PCDHGB7: variants seen among roughly 807,000 people sequenced by gnomAD.
PCDHGB7 encodes the protein protocadherin gamma subfamily B, 7.
PCDHGB7 carries 37 observed loss-of-function variants against 61.4 expected under a neutral mutation model. The observed-to-expected ratio is 0.60, with a 90% CI of 0.46 to 0.79. The LOEUF (loss-of-function observed/expected upper bound fraction) is 0.79, where lower values mean the gene tolerates loss of function less well. PCDHGB7 is among the 30% of genes least tolerant of loss of function. The probability of loss-of-function intolerance (pLI) is 0.00; values close to 1 mark genes in which losing one functional copy is unlikely to be tolerated. For synonymous variants in PCDHGB7, 464 were observed against 503.5 expected (o/e 0.92, Z 1.05); for missense variants, 1,166 against 1,202.5 (o/e 0.97, Z 0.45).
rs755706235 is a variant in PCDHGB7 at position 141,476,450 on chromosome 5, G to A, written c.2416-18357G>A. ...TTGCACTGTAACTCTGGAGTTGGTA[G>A]TGGAGAACCCGCTGGAGCTGTTCAG... On this transcript the variant is annotated intron_variant, in intron 1 of 3. Transcript: ENST00000398594. The surrounding 1 kb of genome is among the most constrained non-coding windows in gnomAD (Gnocchi z 7.6). The A allele has an allele frequency of 6.2e-7, 1 of 1,614,180 alleles. No individual in the cohort carries two copies. The highest frequency in any genetic ancestry group is 8.5e-7 in the Non-Finnish European group (1 of 1,180,040).
At position 141,477,177 on chromosome 5, in the gene PCDHGB7, T is replaced by C; in HGVS notation, c.2416-17630T>C. The C allele has an allele frequency of 6.2e-7, 1 of 1,614,160 alleles. No individual in the cohort carries two copies. On this transcript the variant is annotated intron_variant, in intron 1 of 3. Coordinates refer to ENST00000398594, the MANE Select transcript of PCDHGB7 (RefSeq NM_018927.4). This position sits in a 1 kb window ranked among gnomAD's most constrained non-coding sequence, Gnocchi z 4.9. Reference sequence around the variant, plus strand: ...AATGACAACGCCCCGGAGATCACAGTCACCTCCGTGTACAGCCCAGTACCC... The same window carrying C: ...AATGACAACGCCCCGGAGATCACAGCCACCTCCGTGTACAGCCCAGTACCC...
chr5:141,426,565 T>G, intron 1 of PCDHGB7: 1 of 351,600 alleles, frequency 2.8e-6, no homozygotes, highest in Non-Finnish European at 5.7e-6. Flanking sequence ...AGATCGAGAG[T>G]CACTGTCTTC....
chr5:141,431,553 A>T lies in PCDHGB7; in HGVS notation c.2415+11279A>T, dbSNP rs762863300. On this transcript the variant is annotated intron_variant, in intron 1 of 3. Coordinates refer to ENST00000398594, the MANE Select transcript of PCDHGB7 (RefSeq NM_018927.4). The surrounding 1 kb of genome is among the most constrained non-coding windows in gnomAD (Gnocchi z 4.8). Reference sequence around the variant, plus strand: ...TTGGGCACGCAGCTGCTTGTAGTCAACGCTACCGACCCTGACGAAGGAGTC... The same window carrying T: ...TTGGGCACGCAGCTGCTTGTAGTCATCGCTACCGACCCTGACGAAGGAGTC... The T allele has an allele frequency of 1.1e-5, 18 of 1,613,994 alleles. 1 individual carries two copies. Among genetic ancestry groups the T allele is most frequent in the Non-Finnish European group, 3.4e-6 (4 of 1,180,028 alleles).
intron 1 of PCDHGB7, among the ~76,000 whole-genome samples, chr5:141,469,716 A>G (rs1189597018): frequency 3.9e-5 from 6 of 152,260 alleles, no homozygotes; most frequent in African/African-American, 1.4e-4. Context: ...CACTATTAGG[A>G]ATTTATCATA....
rs116140192 is a variant in PCDHGB7, at chr5:141,497,400, A to C, written c.2474+2535A>C. Among the ~76,000 whole-genome samples, 87 of 152,110 alleles carry C rather than the reference A, an allele frequency of 5.7e-4. 1 individual carries two copies. Among genetic ancestry groups the C allele is most frequent in the African/African-American group, 2.0e-3 (82 of 41,484 alleles). ...GGGGTGAGCACCTTACCCCTGCCTCAACTCCCATTCCATCAAATGAGAGGC... is the reference window on the plus strand; with the variant it reads ...GGGGTGAGCACCTTACCCCTGCCTCCACTCCCATTCCATCAAATGAGAGGC... On this transcript the variant is annotated intron_variant, in intron 2 of 3. Coordinates refer to ENST00000398594, the MANE Select transcript of PCDHGB7 (RefSeq NM_018927.4).
At position 141,490,908 on chromosome 5, in the gene PCDHGB7, C is replaced by A; in HGVS notation, c.2416-3899C>A. On this transcript the variant is annotated intron_variant, in intron 1 of 3. Coordinates refer to ENST00000398594, the MANE Select transcript of PCDHGB7 (RefSeq NM_018927.4). The surrounding 1 kb of genome is among the most constrained non-coding windows in gnomAD (Gnocchi z 5.4). The stretch of plus-strand genomic sequence containing the variant: ...CATCTCTGCATGTGTTTGTCCTAGA[C>A]GAGAATGATAATGCCCCAGCTGTGC... The A allele has an allele frequency of 6.2e-7, 1 of 1,613,710 alleles. No homozygotes were observed. Among genetic ancestry groups the A allele is most frequent in the Non-Finnish European group, 8.5e-7 (1 of 1,179,754 alleles).
chr5:141,468,801 A>G (rs949203275), intron 1 of PCDHGB7, among the ~76,000 whole-genome samples: 15 of 151,736 alleles, frequency 9.9e-5, no homozygotes, highest in South Asian at 2.1e-4. Context: ...GGGAGGCGGA[A>G]CTTGCAGTGA....
chr5:141,495,818 GTTC>G (rs2099764072), intron 2 of PCDHGB7, among the ~76,000 whole-genome samples: 1 of 151,904 alleles, frequency 6.6e-6, no homozygotes, highest in South Asian at 2.1e-4. Context: ...AGCGCCTTGT[GTTC>G]TTCTATCCCC....
At position 141,417,692 on chromosome 5, in the gene PCDHGB7, C is replaced by A; in HGVS notation, c.-168C>A. On this transcript the variant is annotated 5_prime_UTR_variant, in exon 1 of 4. Transcript: ENST00000398594. The stretch of plus-strand genomic sequence containing the variant: ...CGCAGCCAACAACAGAAAAGAAAAC[C>A]AGCTCCCACACAGAGGCTCCCGGCT... The A allele has an allele frequency of 9.2e-7, 1 of 1,089,116 alleles. No homozygotes were observed. Among genetic ancestry groups the A allele is most frequent in the Non-Finnish European group, 1.3e-6 (1 of 789,354 alleles). 67.5% of individuals were successfully genotyped at this position (1,089,116 alleles called of 1,614,324 possible).
intron 1 of PCDHGB7, among the ~76,000 whole-genome samples, chr5:141,433,534 C>T (rs2097618995): frequency 6.6e-6 from 1 of 152,088 alleles, no homozygotes; most frequent in Admixed American, 6.5e-5. Context: ...GTGCCCCGCC[C>T]TTATCAGATA....
intron 1 of PCDHGB7, chr5:141,428,105 G>A: frequency 1.9e-6 from 3 of 1,608,184 alleles, no homozygotes; most frequent in Admixed American, 1.7e-5. Flanking sequence ...ACCACGTGCT[G>A]CAGGCCATCG....
At position 141,418,189 on chromosome 5, in the gene PCDHGB7, G is replaced by A; in HGVS notation, c.330G>A (p.Val110=). 6.2e-7 allele frequency: 1 copy of A among 1,614,046 alleles called. No homozygotes were observed. The highest frequency in any genetic ancestry group is 1.7e-5 in the Admixed American group (1 of 60,026). Residue 110 remains valine, a synonymous_variant, in exon 1 of 4, where the codon GTG becomes GTA. Transcript: ENST00000398594. The part of the protein sequence containing the change: ...RRCELQLEAV[V]ENPLNIFHVI... ...GTGAGTTGCAATTGGAAGCTGTGGT[G>A]GAAAATCCTTTAAATATTTTTCATG...
rs1266310917 is a variant in PCDHGB7 at position 141,486,868 on chromosome 5, G to A, written c.2416-7939G>A. 2 of 1,614,104 alleles carry A rather than the reference G, an allele frequency of 1.2e-6. No homozygotes were observed. Among genetic ancestry groups the A allele is most frequent in the Non-Finnish European group, 1.7e-6 (2 of 1,180,056 alleles). ...ACCTCAATGACAATGCTCCAGCTGT[G>A]CTCCGTCCTCGGGCCCGGCCTGGTT... On this transcript the variant is annotated intron_variant, in intron 1 of 3. Transcript: ENST00000398594. The surrounding 1 kb of genome is among the most constrained non-coding windows in gnomAD (Gnocchi z 5.0).
At chr5:141,454,997 A>G (rs2098809547) in intron 1 of PCDHGB7, among the ~76,000 whole-genome samples, 2 of 151,192 alleles carry the variant, frequency 1.3e-5, no homozygotes, top group Admixed American at 6.6e-5. Flanking sequence ...TATTTTTAGT[A>G]GAGACGGGGT....
chr5:141,485,687 C>T lies in PCDHGB7; in HGVS notation c.2416-9120C>T. 1 of 1,614,066 alleles carries T rather than the reference C, an allele frequency of 6.2e-7. No individual in the cohort carries two copies. Among genetic ancestry groups the T allele is most frequent in the Non-Finnish European group, 8.5e-7 (1 of 1,179,966 alleles). ...GAGCAATTCGATTAGCAGCTATAGG[C>T]TGAGCTCCAATGAACACTTTGCACT... On this transcript the variant is annotated intron_variant, in intron 1 of 3. Transcript: ENST00000398594. The surrounding 1 kb of genome is among the most constrained non-coding windows in gnomAD (Gnocchi z 5.7).
chr5:141,501,290 T>TACACAC lies in PCDHGB7; in HGVS notation c.2475-4064_2475-4059dup, dbSNP rs55762287. Among the ~76,000 whole-genome samples the TACACAC allele has an allele frequency of 5.7e-3, 774 of 136,224 alleles. 5 individuals are homozygous for TACACAC. The highest frequency in any genetic ancestry group is 9.9e-3 in the African/African-American group (361 of 36,504). The allele number at this position is 136,224 out of a possible 152,430, so 89.4% of individuals were successfully genotyped here. A position where few individuals can be genotyped will look rare whatever the true frequency, so the allele number is the denominator to read the frequency against. ...GTCCAGTCTATGGGATATTCCCTTA[T>TACACAC]ACACACACACACACACACACACACA... On this transcript the variant is annotated intron_variant, in intron 2 of 3. Transcript: ENST00000398594.
chr5:141,460,669 TTATATATC>T (rs1176483278), intron 1 of PCDHGB7, among the ~76,000 whole-genome samples: 1 of 152,032 alleles, frequency 6.6e-6, no homozygotes, highest in African/African-American at 2.4e-5. Flanking sequence ...GTAAACACAG[TTATATATC>T]TATATATCCA....
Position 141,491,670 on chromosome 5 carries a change from C to T in PCDHGB7, c.2416-3137C>T. The T allele has an allele frequency of 2.5e-6, 4 of 1,613,768 alleles. No individual in the cohort carries two copies. Among genetic ancestry groups the T allele is most frequent in the South Asian group, 1.1e-5 (1 of 91,082 alleles). On this transcript the variant is annotated intron_variant, in intron 1 of 3. Coordinates refer to ENST00000398594, the MANE Select transcript of PCDHGB7 (RefSeq NM_018927.4). The surrounding 1 kb of genome is among the most constrained non-coding windows in gnomAD (Gnocchi z 6.9). ...CGCTGGAGCCTGACGCCATCCGGTC[C>T]CGCTCTAATACGCTGCGGGAGCGGA...
chr5:141,484,867 G>C lies in PCDHGB7; in HGVS notation c.2416-9940G>C, dbSNP rs573580017. The C allele has an allele frequency of 1.8e-5, 5 of 282,560 alleles. No homozygotes were observed. The Admixed American group carries it at 1.9e-4, about 11-fold the overall frequency. The allele number at this position is 282,560 out of a possible 1,614,324, so 17.5% of individuals were successfully genotyped here. A position where few individuals can be genotyped will look rare whatever the true frequency, so the allele number is the denominator to read the frequency against. ...TGGGTTTTTTGGGGGGTGGGGGAGC[G>C]TGGAGGATAGGGTGGGCTTTTTCCC... On this transcript the variant is annotated intron_variant, in intron 1 of 3. Coordinates refer to ENST00000398594, the MANE Select transcript of PCDHGB7 (RefSeq NM_018927.4).
Sources: gnomAD v4.1 joint callset for allele counts (sites outside exome capture counted in the v4.1 genomes callset) on GRCh38, gnomAD v4.1.1 for gene constraint, Gnocchi (gnomAD v3.1) non-coding constraint, MANE v1.5 for transcripts, NCBI Gene and HGNC (gene_info 2026-07-23, HGNC 2026-07-21) for gene names.